Variants in SEPTIN9 observed in about 807,000 individuals in gnomAD.
The protein encoded by SEPTIN9 is septin 9.
Under a neutral mutation model 56.6 loss-of-function variants are expected in SEPTIN9, and 13 were observed. The observed-to-expected ratio is 0.23, with a 90% CI of 0.15 to 0.37. The LOEUF (loss-of-function observed/expected upper bound fraction) is 0.37. SEPTIN9 is among the 10% of genes least tolerant of loss of function. SEPTIN9 has a pLI of 1.00. For synonymous variants in SEPTIN9, 332 were observed against 334.1 expected, an observed-to-expected ratio of 0.99 and a Z score of 0.07; for missense variants, 650 against 823.1, an observed-to-expected ratio of 0.79 and a Z score of 2.57.
intron 2 of SEPTIN9, among the ~76,000 whole-genome samples, chr17:77,360,359 G>A (rs966236904): frequency 6.6e-6 from 1 of 152,172 alleles, no homozygotes; most frequent in Non-Finnish European, 1.5e-5. Flanking sequence ...CCTTCCCAGG[G>A]AAGAATAAGC....
At chr17:77,459,713 CT>C (rs1307984959) in intron 3 of SEPTIN9, among the ~76,000 whole-genome samples, 66 of 146,234 alleles carry the variant, frequency 4.5e-4, no homozygotes, top group Admixed American at 4.8e-4. Flanking sequence ...CTCCCAGACT[CT>C]TTTTTTTTTT....
At chr17:77,344,076 G>T (rs755487273) in intron 2 of SEPTIN9, among the ~76,000 whole-genome samples, 1 of 152,112 alleles carries the variant, frequency 6.6e-6, no homozygotes, top group Non-Finnish European at 1.5e-5. Flanking sequence ...ACTACCAATG[G>T]CGTGAAAAGG....
intron 1 of SEPTIN9, among the ~76,000 whole-genome samples, chr17:77,293,985 T>G (rs1439159196): frequency 6.6e-6 from 1 of 151,626 alleles, no homozygotes; most frequent in Non-Finnish European, 1.5e-5. Flanking sequence ...ACACCTGTAG[T>G]CCCAGTTACT....
intron 3 of SEPTIN9, among the ~76,000 whole-genome samples, chr17:77,478,252 A>T (rs531124818): frequency 5.9e-5 from 9 of 152,228 alleles, no homozygotes; most frequent in Non-Finnish European, 1.2e-4. Context: ...ATAAAAATAG[A>T]AATTCCGTTC....
At position 77,426,643 on chromosome 17, in the gene SEPTIN9, C is replaced by T. The variant is rs993440577; in HGVS notation, c.721+23940C>T. Among the ~76,000 whole-genome samples the T allele has an allele frequency of 7.2e-5, 11 of 152,286 alleles. No individual in the cohort carries two copies. The East Asian group carries it at 7.8e-4, about 11-fold the overall frequency. On this transcript the variant is annotated intron_variant, in intron 3 of 11. Transcript: ENST00000427177. ...AAAGTCCCTCCCTAGACCTCCTGGC[C>T]GCCTCATTCAGGTCTTGCTGAAGCG... is the stretch of plus-strand genomic sequence containing the variant.
In SEPTIN9 at chr17:77,476,000, C is replaced by A; in HGVS notation, c.722-6144C>A. On this transcript the variant is annotated intron_variant, in intron 3 of 11. Transcript: ENST00000427177. This position sits in a 1 kb window ranked among gnomAD's most constrained non-coding sequence, Gnocchi z 4.6. ...GGAATGGCATTGACTTGACCCTGAG[C>A]ACTTTGTCCTGGGGTGCAGGCCCGG... 7.5e-7 allele frequency: 1 copy of A among 1,338,234 alleles called. No homozygotes were observed. The highest frequency in any genetic ancestry group is 1.0e-6 in the Non-Finnish European group (1 of 963,770). 82.9% of individuals were successfully genotyped at this position (1,338,234 alleles called of 1,614,324 possible). A position where few individuals can be genotyped will look rare whatever the true frequency, so the allele number is the denominator to read the frequency against.
At position 77,384,659 on chromosome 17, in the gene SEPTIN9, ATTTTT is replaced by A. The variant is rs1184622706; in HGVS notation, c.77-17398_77-17394del. On this transcript the variant is annotated intron_variant, in intron 2 of 11. Transcript: ENST00000427177. ...ACCAAGAGTTGGGGACCAGCAGTCCATTTTTTAGCAAGATCCAGAAATGATTCTCC... is the reference window on the plus strand; with the variant it reads ...ACCAAGAGTTGGGGACCAGCAGTCCATAGCAAGATCCAGAAATGATTCTCC... Among the ~76,000 whole-genome samples the A allele has an allele frequency of 1.7e-4, 26 of 151,972 alleles. No homozygotes were observed. In the East Asian group the frequency reaches 5.0e-3, roughly 29 times the overall value.
rs2037326698 is a variant in SEPTIN9, at chr17:77,436,109, C to T, written c.721+33406C>T. On this transcript the variant is annotated intron_variant, in intron 3 of 11. Transcript: ENST00000427177. The surrounding 1 kb of genome is among the most constrained non-coding windows in gnomAD (Gnocchi z 4.4). ...GGAGTTGAGTTGAGCTCGGCGGCTG[C>T]CTTTCCACCCTGCGGGCCTGGTTGG... Among the ~76,000 whole-genome samples, 1 of 152,196 alleles carries T rather than the reference C, an allele frequency of 6.6e-6. No individual in the cohort carries two copies. Among genetic ancestry groups the T allele is most frequent in the Admixed American group, 6.5e-5 (1 of 15,286 alleles).
At chr17:77,428,677 T>C (rs2037007503) in intron 3 of SEPTIN9, among the ~76,000 whole-genome samples, 1 of 152,048 alleles carries the variant, frequency 6.6e-6, no homozygotes, top group African/African-American at 2.4e-5. Flanking sequence ...CAGCTCAGGC[T>C]ACAGAGAGCA....
intron 2 of SEPTIN9, among the ~76,000 whole-genome samples, chr17:77,344,435 G>A (rs576549152): frequency 1.3e-5 from 2 of 152,288 alleles, no homozygotes; most frequent in East Asian, 3.9e-4. Context: ...CAGCTGCTGT[G>A]GAAAAGATAT....
chr17:77,355,632 T>G (rs1462619642), intron 2 of SEPTIN9, among the ~76,000 whole-genome samples: 1 of 152,122 alleles, frequency 6.6e-6, no homozygotes, highest in Non-Finnish European at 1.5e-5. Context: ...CTGCCGCATC[T>G]GAAAGGCCTT....
In SEPTIN9 at chr17:77,465,087, G is replaced by A. The variant is rs77223201; in HGVS notation, c.722-17057G>A. ...CTAGATAGTTTGTATAAGTGGAATC[G>A]TACAGTATGTGGCCTTGGTGTCTGG... On this transcript the variant is annotated intron_variant, in intron 3 of 11. Coordinates refer to ENST00000427177, the MANE Select transcript of SEPTIN9 (RefSeq NM_001113491.2). Among the ~76,000 whole-genome samples, 504 of 152,300 alleles carry A rather than the reference G, an allele frequency of 3.3e-3. 3 individuals are homozygous for A. The highest frequency in any genetic ancestry group is 0.01 in the African/African-American group (425 of 41,552).
In SEPTIN9 at chr17:77,445,249, C is replaced by T. The variant is rs1447608933; in HGVS notation, c.722-36895C>T. The T allele has an allele frequency of 4.3e-6, 2 of 470,554 alleles. No homozygotes were observed. Among genetic ancestry groups the T allele is most frequent in the Non-Finnish European group, 4.4e-6 (1 of 227,040 alleles). 29.1% of individuals were successfully genotyped at this position (470,554 alleles called of 1,614,324 possible). On this transcript the variant is annotated intron_variant, in intron 3 of 11. Transcript: ENST00000427177. This position sits in a 1 kb window ranked among gnomAD's most constrained non-coding sequence, Gnocchi z 4.7. ...GTCACAGCTACAAATGCATACCAGC[C>T]CTCAGAACCACATTCCTGCTCCCCA...
intron 7 of SEPTIN9, among the ~76,000 whole-genome samples, chr17:77,490,474 C>A (rs2039977043): frequency 6.6e-6 from 1 of 152,214 alleles, no homozygotes; most frequent in Non-Finnish European, 1.5e-5. Flanking sequence ...TGGTTGGGAC[C>A]CCAGAACTCA....
At chr17:77,477,713 CAA>C (rs766014996) in intron 3 of SEPTIN9, among the ~76,000 whole-genome samples, 39 of 152,236 alleles carry the variant, frequency 2.6e-4, no homozygotes, top group Middle Eastern at 3.4e-3. Context: ...GAGAGACTTG[CAA>C]AAAGTCACTT....
chr17:77,422,421 G>A (rs944147274), intron 3 of SEPTIN9, among the ~76,000 whole-genome samples: 2 of 152,208 alleles, frequency 1.3e-5, no homozygotes, highest in African/African-American at 2.4e-5. Context: ...CGTGGCCAGC[G>A]AATGGGGAGG....
chr17:77,402,492 C>T lies in SEPTIN9; in HGVS notation c.510C>T (p.Ser170=). The T allele has an allele frequency of 6.2e-7, 1 of 1,605,194 alleles. No homozygotes were observed. Among genetic ancestry groups the T allele is most frequent in the Non-Finnish European group, 8.5e-7 (1 of 1,176,376 alleles). ...SAHRRMEPPA[S]KVPEVPTAPA... ...ACCGGAGGATGGAGCCCCCTGCCTC[C>T]AAGGTCCCCGAGGTGCCCACTGCCC... The change falls in exon 3 of 12, where the codon TCC becomes TCT. Residue 170 remains serine (S), a synonymous_variant. Transcript: ENST00000427177. The surrounding 1 kb of genome is among the most constrained non-coding windows in gnomAD (Gnocchi z 6.6).
rs946188571 is a variant in SEPTIN9, at chr17:77,402,460, T to C, written c.478T>C (p.Ser160Pro). Residue 160 changes from serine (S) to proline (P), a missense_variant, in exon 3 of 12, where the codon TCA becomes CCA. Ser to Pro is a moderately conservative substitution (Grantham distance 74). This residue lies in a region of SEPTIN9 where 317 missense variants were observed against 329.1 expected (regional missense o/e 0.96). Coordinates refer to ENST00000427177, the MANE Select transcript of SEPTIN9 (RefSeq NM_001113491.2). This position sits in a 1 kb window ranked among gnomAD's most constrained non-coding sequence, Gnocchi z 6.6. ...GATCACCATCGTCAAACCCCAGGAGTCAGCCCACCGGAGGATGGAGCCCCC... is the reference window on the plus strand; with the variant it reads ...GATCACCATCGTCAAACCCCAGGAGCCAGCCCACCGGAGGATGGAGCCCCC... ...TEITIVKPQE[S>P]AHRRMEPPAS... 3 of 1,608,790 alleles carry C rather than the reference T, an allele frequency of 1.9e-6. No individual in the cohort carries two copies. The African/African-American group carries it at 4.0e-5, about 22-fold the overall frequency.
rs1188409853 is a variant in SEPTIN9 at position 77,405,850 on chromosome 17, C to A, written c.721+3147C>A. 1.3e-5 allele frequency among the ~76,000 whole-genome samples: 2 copies of A among 152,156 alleles called. No individual in the cohort carries two copies. The highest frequency in any genetic ancestry group is 3.9e-4 in the East Asian group (2 of 5,190). ...TCCTTCAGGCCCATCCCCTTCTGCCCCTCCATGTGGGGCTGGGCTGGGAGT... is the reference window on the plus strand; with the variant it reads ...TCCTTCAGGCCCATCCCCTTCTGCCACTCCATGTGGGGCTGGGCTGGGAGT... On this transcript the variant is annotated intron_variant, in intron 3 of 11. Transcript: ENST00000427177. The surrounding 1 kb of genome is among the most constrained non-coding windows in gnomAD (Gnocchi z 5.8).
Sources: allele counts gnomAD v4.1 joint callset (sites outside exome capture counted in the v4.1 genomes callset), GRCh38; gene constraint gnomAD v4.1.1; regional missense constraint gnomAD v4.1.1; non-coding constraint Gnocchi (gnomAD v3.1); transcripts MANE v1.5; gene names NCBI Gene and HGNC (gene_info 2026-07-23, HGNC 2026-07-21).